CNTNAP4: variants seen among roughly 807,000 people sequenced by gnomAD.
The protein encoded by CNTNAP4 is contactin associated protein family member 4.
A neutral mutation model predicts 148.4 loss-of-function variants in CNTNAP4; 98 were observed. The ratio of observed to expected loss-of-function variants is 0.66; its 90% CI spans 0.56 to 0.78. CNTNAP4 has a LOEUF of 0.78. Among genes scored for constraint, CNTNAP4 ranks in the 30% least tolerant of loss-of-function variants. The pLI, the probability that CNTNAP4 is intolerant of heterozygous loss-of-function variation, is 0.00. For synonymous variants in CNTNAP4, 730 were observed against 565.1 expected (o/e 1.29, Z -4.14); for missense variants, 1,935 against 1,565.6 (o/e 1.24, Z -3.98).
At chr16:76,440,846 G>A (rs1031704652) in intron 4 of CNTNAP4, among the ~76,000 whole-genome samples, 4 of 152,136 alleles carry the variant, frequency 2.6e-5, no homozygotes, top group Non-Finnish European at 5.9e-5. Context: ...ACTTGGGGGT[G>A]AGGAGGACAT....
intron 8 of CNTNAP4, among the ~76,000 whole-genome samples, chr16:76,455,346 G>T (rs1014099970): frequency 1.3e-5 from 2 of 152,178 alleles, no homozygotes; most frequent in African/African-American, 4.8e-5. Flanking sequence ...GTCCCCATGG[G>T]CAGGGCCTGG....
chr16:76,356,473 A>G (rs1298403474), intron 3 of CNTNAP4, among the ~76,000 whole-genome samples: 1 of 152,150 alleles, frequency 6.6e-6, no homozygotes, highest in East Asian at 1.9e-4. Context: ...AGTGGGTGAT[A>G]TTTGTAGTTG....
intron 12 of CNTNAP4, among the ~76,000 whole-genome samples, chr16:76,480,755 G>A (rs1317640561): frequency 1.3e-5 from 2 of 151,966 alleles, no homozygotes. Context: ...AAAAAAATAT[G>A]TTCGTTGATT....
At chr16:76,538,540 C>T (rs778523754) in intron 19 of CNTNAP4, among the ~76,000 whole-genome samples, 200 bp downstream of exon 19, 6 of 151,778 alleles carry the variant, frequency 4.0e-5, no homozygotes, top group African/African-American at 1.5e-4. Flanking sequence ...GCCCTTATCT[C>T]TTTATGATTT....
At chr16:76,385,606 G>A (rs570818304) in intron 3 of CNTNAP4, among the ~76,000 whole-genome samples, 176 of 151,820 alleles carry the variant, frequency 1.2e-3, no homozygotes, top group African/African-American at 3.8e-3. Flanking sequence ...CTCATTATGC[G>A]TGGAAATTAT....
At chr16:76,492,346 CAT>C (rs1415973017) in intron 13 of CNTNAP4, among the ~76,000 whole-genome samples, 2 of 150,854 alleles carry the variant, frequency 1.3e-5, no homozygotes, top group Non-Finnish European at 3.0e-5. Context: ...TATATCAAAA[CAT>C]TGCTTTGCAC....
chr16:76,377,646 G>A (rs578042176), intron 3 of CNTNAP4, among the ~76,000 whole-genome samples: 1 of 152,274 alleles, frequency 6.6e-6, no homozygotes, highest in South Asian at 2.1e-4. Context: ...GTTTGCCAGA[G>A]GACCTCAGTC....
intron 21 of CNTNAP4, among the ~76,000 whole-genome samples, chr16:76,548,665 C>A (rs950146823): frequency 6.6e-6 from 1 of 152,032 alleles, no homozygotes; most frequent in African/African-American, 2.4e-5. Context: ...CAGGCACAAA[C>A]ACCCAGAAAT....
chr16:76,554,781 C>T (rs1243565511), intron 23 of CNTNAP4, among the ~76,000 whole-genome samples: 7 of 151,010 alleles, frequency 4.6e-5, no homozygotes, highest in Non-Finnish European at 7.4e-5. Flanking sequence ...ATGAATATTT[C>T]GTTTGCAGGT....
chr16:76,322,915 A>G (rs1962575434), intron 2 of CNTNAP4, among the ~76,000 whole-genome samples: 2 of 151,782 alleles, frequency 1.3e-5, no homozygotes. Context: ...GCTCACTGCA[A>G]CCTCTGCCTT....
rs576123293 is a variant in CNTNAP4 at position 76,559,532 on chromosome 16, A to C, written c.*849A>C. 6.6e-6 allele frequency among the ~76,000 whole-genome samples: 1 copy of C among 152,194 alleles called. No homozygotes were observed. The highest frequency in any genetic ancestry group is 1.5e-5 in the Non-Finnish European group (1 of 68,026). On this transcript the variant is annotated 3_prime_UTR_variant, in exon 24 of 24. Coordinates refer to ENST00000611870, the MANE Select transcript of CNTNAP4 (RefSeq NM_033401.5). ...CTAAACTGTTGATATATTAAAAAAAATTCTTAACACAGCAAAAAATTATTA... is the reference window on the plus strand; with the variant it reads ...CTAAACTGTTGATATATTAAAAAAACTTCTTAACACAGCAAAAAATTATTA...
intron 4 of CNTNAP4, among the ~76,000 whole-genome samples, chr16:76,436,517 G>C (rs566675513): frequency 6.6e-6 from 1 of 152,092 alleles, no homozygotes; most frequent in Non-Finnish European, 1.5e-5. Flanking sequence ...ACTCTGACTC[G>C]GGTCAGTCTT....
Position 76,558,941 on chromosome 16 carries a change from A to G in CNTNAP4, c.*258A>G. On this transcript the variant is annotated 3_prime_UTR_variant, in exon 24 of 24. Coordinates refer to ENST00000611870, the MANE Select transcript of CNTNAP4 (RefSeq NM_033401.5). Reference sequence around the variant, plus strand: ...TCTGGTATGATCTAAAACAAGTTTAACCTGCTTAATGGCTACAGTTTTTAC... The same window carrying G: ...TCTGGTATGATCTAAAACAAGTTTAGCCTGCTTAATGGCTACAGTTTTTAC... 1 of 273,418 alleles carries G rather than the reference A, an allele frequency of 3.7e-6. No homozygotes were observed. Among genetic ancestry groups the G allele is most frequent in the Non-Finnish European group, 6.8e-6 (1 of 147,282 alleles). 16.9% of individuals were successfully genotyped at this position (273,418 alleles called of 1,614,324 possible).
At chr16:76,553,713 A>C in intron 22 of CNTNAP4, 123 bp from the exon 23 acceptor site, 1 of 677,786 alleles carries the variant, frequency 1.5e-6, no homozygotes, top group Non-Finnish European at 2.5e-6. Context: ...TTAAATTGAA[A>C]ATAACAGAGA....
intron 4 of CNTNAP4, among the ~76,000 whole-genome samples, chr16:76,432,011 A>G (rs1488926807): frequency 1.3e-5 from 2 of 152,150 alleles, no homozygotes; most frequent in Non-Finnish European, 2.9e-5. Context: ...CTATATAAAT[A>G]TCATTATTGT....
At chr16:76,316,062 C>T in intron 1 of CNTNAP4, 1 of 351,106 alleles carries the variant, frequency 2.8e-6, no homozygotes, top group Non-Finnish European at 5.0e-6. Context: ...TGTGATTTTT[C>T]TTTTTAATTT....
intron 4 of CNTNAP4, among the ~76,000 whole-genome samples, chr16:76,445,872 AGTCT>A (rs1365293084): frequency 2.0e-5 from 3 of 152,212 alleles, no homozygotes; most frequent in Non-Finnish European, 2.9e-5. Flanking sequence ...CAGCATTTAA[AGTCT>A]GTCTTACTGG....
chr16:76,395,047 A>G (rs554910801), intron 3 of CNTNAP4, among the ~76,000 whole-genome samples: 2 of 152,176 alleles, frequency 1.3e-5, no homozygotes, highest in South Asian at 4.1e-4. Context: ...TTTTCAGACA[A>G]AATTGTATGT....
rs202003643 is a variant in CNTNAP4 at position 76,535,615 on chromosome 16, G to A, written c.2826G>A (p.Leu942=). 9.3e-4 allele frequency: 1,496 copies of A among 1,613,706 alleles called. 2 individuals are homozygous for A. Among genetic ancestry groups the A allele is most frequent in the Non-Finnish European group, 1.2e-3 (1,387 of 1,180,012 alleles). The change falls in exon 18 of 24, where the codon CTG becomes CTA. Residue 942 remains leucine, a synonymous_variant. Coordinates refer to ENST00000611870, the MANE Select transcript of CNTNAP4 (RefSeq NM_033401.5). ...IRSLQLNGMT[L]DLEERAQVTP... is the part of the protein sequence containing the mutation. ...CTCTGCAGTTGAATGGGATGACCCT[G>A]GATTTGGAAGAAAGAGCCCAGGTGA...
Sources: allele counts gnomAD v4.1 joint callset (sites outside exome capture counted in the v4.1 genomes callset), GRCh38; gene constraint gnomAD v4.1.1; transcripts MANE v1.5; gene names NCBI Gene and HGNC (gene_info 2026-07-23, HGNC 2026-07-21).